Variants in SND1 observed in about 807,000 individuals in gnomAD.
The protein encoded by SND1 is staphylococcal nuclease domain-containing protein 1.
Under a neutral mutation model 121.7 loss-of-function variants are expected in SND1, and 38 were observed. The ratio of observed to expected loss-of-function variants is 0.31; its 90% CI spans 0.24 to 0.41. SND1 has a LOEUF of 0.41. SND1 is among the 10% of genes least tolerant of loss of function. The pLI, the probability that SND1 is intolerant of heterozygous loss-of-function variation, is 1.00. For missense variants in SND1, 868 were observed against 1,184.6 expected (o/e 0.73, Z 3.92); for synonymous variants, 401 against 447.4 (o/e 0.90, Z 1.31).
intron 10 of SND1, among the ~76,000 whole-genome samples, chr7:127,766,605 C>T (rs965106603): frequency 6.7e-6 from 1 of 148,982 alleles, no homozygotes; most frequent in African/African-American, 2.6e-5. Context: ...GAAACCCCGT[C>T]TCTACTAAAA....
chr7:127,668,779 T>C (rs1165813422), intron 1 of SND1, among the ~76,000 whole-genome samples: 1 of 152,216 alleles, frequency 6.6e-6, no homozygotes, highest in East Asian at 1.9e-4. Flanking sequence ...TCTGGGGCCT[T>C]CCACTCCCTC....
intron 9 of SND1, among the ~76,000 whole-genome samples, chr7:127,717,192 T>C (rs954874105): frequency 6.6e-6 from 1 of 152,232 alleles, no homozygotes; most frequent in African/African-American, 2.4e-5. Context: ...GAGTATTGTA[T>C]TTTTGTTATA....
At chr7:127,764,588 C>T (rs1231687568) in intron 10 of SND1, among the ~76,000 whole-genome samples, 1 of 152,184 alleles carries the variant, frequency 6.6e-6, no homozygotes, top group Non-Finnish European at 1.5e-5. Context: ...GCAGGCTGTG[C>T]TTATTATCAG....
intron 10 of SND1, among the ~76,000 whole-genome samples, chr7:127,801,943 G>A (rs978000260): frequency 2.0e-4 from 30 of 152,060 alleles, no homozygotes; most frequent in African/African-American, 7.0e-4. Context: ...CAGAGTTCAC[G>A]CCATTCTCCT....
intron 1 of SND1, among the ~76,000 whole-genome samples, chr7:127,656,340 T>A (rs1342312545): frequency 1.3e-5 from 2 of 150,620 alleles, no homozygotes; most frequent in Non-Finnish European, 3.0e-5. Flanking sequence ...TTTTTTTTTT[T>A]AAGATGGAGT....
intron 12 of SND1, among the ~76,000 whole-genome samples, chr7:127,883,461 T>C (rs1472763868): frequency 1.3e-5 from 2 of 152,182 alleles, no homozygotes; most frequent in African/African-American, 2.4e-5. Flanking sequence ...TGTGTTAATT[T>C]TGAAACCACT....
chr7:127,692,899 A>G (rs1795946580), intron 2 of SND1, among the ~76,000 whole-genome samples: 1 of 152,188 alleles, frequency 6.6e-6, no homozygotes, highest in Non-Finnish European at 1.5e-5. Context: ...GTTTTTTAGA[A>G]AAGTTCTGCC....
At chr7:127,685,217 G>A (rs543051890) in intron 1 of SND1, among the ~76,000 whole-genome samples, 6 of 152,168 alleles carry the variant, frequency 3.9e-5, no homozygotes, top group Admixed American at 6.5e-5. Flanking sequence ...ACTTGAAAGC[G>A]TTAGTTAAGG....
chr7:127,944,898 T>C (rs957940464), intron 15 of SND1, among the ~76,000 whole-genome samples: 7 of 152,228 alleles, frequency 4.6e-5, no homozygotes, highest in Admixed American at 3.9e-4. Flanking sequence ...CATATTCATA[T>C]ATGCATATGC....
chr7:127,947,057 G>T (rs959007815), intron 15 of SND1, among the ~76,000 whole-genome samples: 3 of 152,096 alleles, frequency 2.0e-5, no homozygotes, highest in African/African-American at 7.2e-5. Context: ...CTTAAAAGGC[G>T]ACTCATGGCA....
Position 127,698,878 on chromosome 7 carries a change from C to T in SND1, c.353C>T (p.Thr118Ile). ...AATCCCCCCTTTTCCTCCTCAGATA[C>T]CAATGGGGAAAACATTGCAGAATCA... The part of the protein sequence containing the change: ...EYGMIYLGKD[T>I]NGENIAESLV... The change falls in exon 4 of 24, where the codon ACC (threonine) becomes ATC (isoleucine). Residue 118 changes from threonine to isoleucine, a missense_variant. Physicochemically the swap from Thr to Ile is moderately conservative, Grantham distance 89. Around this residue, in one of 2 missense-constraint regions of SND1, gnomAD observed 743 missense variants for 1,071.3 expected, o/e 0.69. Coordinates refer to ENST00000354725, the MANE Select transcript of SND1 (RefSeq NM_014390.4). 6.2e-7 allele frequency: 1 copy of T among 1,613,440 alleles called. No homozygotes were observed. Among genetic ancestry groups the T allele is most frequent in the Non-Finnish European group, 8.5e-7 (1 of 1,179,536 alleles).
At chr7:127,822,237 C>T (rs1432018083) in intron 11 of SND1, among the ~76,000 whole-genome samples, 1 of 152,160 alleles carries the variant, frequency 6.6e-6, no homozygotes, top group Non-Finnish European at 1.5e-5. Context: ...AGGTATTCTC[C>T]CTTTTTACAC....
intron 15 of SND1, among the ~76,000 whole-genome samples, chr7:127,940,748 A>G (rs184553337): frequency 1.3e-5 from 2 of 152,352 alleles, no homozygotes; most frequent in South Asian, 2.1e-4. Context: ...AGGCTTCCCC[A>G]GTCAGATGGG....
chr7:127,828,040 A>G (rs1046648608), intron 11 of SND1, among the ~76,000 whole-genome samples: 1 of 152,158 alleles, frequency 6.6e-6, no homozygotes, highest in African/African-American at 2.4e-5. Context: ...GCTGTTGCCC[A>G]GGCTGGAGTG....
Position 128,081,405 on chromosome 7 carries a change from G to A in SND1, c.2014G>A (p.Val672Met), listed in dbSNP as rs758454102. The A allele has an allele frequency of 6.2e-7, 1 of 1,614,226 alleles. No homozygotes were observed. Among genetic ancestry groups the A allele is most frequent in the Non-Finnish European group, 8.5e-7 (1 of 1,180,040 alleles). The change falls in exon 18 of 24, where the codon GTG becomes ATG. Residue 672 changes from valine (V) to methionine (M), a missense_variant. Val to Met is a conservative substitution (Grantham distance 21). Around this residue, in one of 2 missense-constraint regions of SND1, gnomAD observed 743 missense variants for 1,071.3 expected, o/e 0.69. Transcript: ENST00000354725. ...GCAGCCCGTGGAGGAGGTGATGCCAGTGCTGGAGGAGAAGGAGCGATCTGC... is the reference window on the plus strand; with the variant it reads ...GCAGCCCGTGGAGGAGGTGATGCCAATGCTGGAGGAGAAGGAGCGATCTGC... ...EEQPVEEVMP[V>M]LEEKERSASY...
At chr7:128,040,671 T>TGG (rs1562879196) in intron 16 of SND1, among the ~76,000 whole-genome samples, 1 of 152,154 alleles carries the variant, frequency 6.6e-6, no homozygotes, top group African/African-American at 2.4e-5. Flanking sequence ...GTTTGGAACT[T>TGG]TCTCCATGTT....
chr7:128,049,322 T>C (rs1261723111), intron 16 of SND1, among the ~76,000 whole-genome samples: 2 of 152,142 alleles, frequency 1.3e-5, no homozygotes, highest in African/African-American at 2.4e-5. Flanking sequence ...AAGTCCCTGC[T>C]CCACCATGTT....
At chr7:127,971,908 G>A (rs573198119) in intron 15 of SND1, among the ~76,000 whole-genome samples, 1 of 151,856 alleles carries the variant, frequency 6.6e-6, no homozygotes, top group East Asian at 2.0e-4. Flanking sequence ...AAGTAACTGG[G>A]ATTACAGGTG....
Position 127,698,777 on chromosome 7 carries a change from C to G in SND1, c.350-98C>G, listed in dbSNP as rs1388528858. 3 of 897,092 alleles carry G rather than the reference C, an allele frequency of 3.3e-6. No individual in the cohort carries two copies. In the Admixed American group the frequency reaches 5.6e-5, roughly 17 times the overall value. 55.6% of individuals were successfully genotyped at this position (897,092 alleles called of 1,614,324 possible). A position where few individuals can be genotyped will look rare whatever the true frequency, so the allele number is the denominator to read the frequency against. The stretch of plus-strand genomic sequence containing the variant: ...TCCATTTCTCTGGCAGCATTATTCT[C>G]CTTGAGGAGCTAAGTGTGAAAGTGG... On this transcript the variant is annotated intron_variant, in intron 3 of 23. Transcript: ENST00000354725.
Sources: allele counts gnomAD v4.1 joint callset (sites outside exome capture counted in the v4.1 genomes callset), GRCh38; gene constraint gnomAD v4.1.1; regional missense constraint gnomAD v4.1.1; transcripts MANE v1.5; gene names NCBI Gene and HGNC (gene_info 2026-07-23, HGNC 2026-07-21).